Variants in UBE2E2 observed in about 807,000 individuals in gnomAD.
UBE2E2 encodes ubiquitin conjugating enzyme E2 E2.
A neutral mutation model predicts 24.7 loss-of-function variants in UBE2E2; 6 were observed. The ratio of observed to expected loss-of-function variants is 0.24; its 90% CI spans 0.13 to 0.48. The LOEUF (loss-of-function observed/expected upper bound fraction) is 0.48. Among genes scored for constraint, UBE2E2 ranks in the 20% least tolerant of loss-of-function variants. The probability of loss-of-function intolerance (pLI) is 0.99; values close to 1 mark genes in which losing one functional copy is unlikely to be tolerated. For missense variants in UBE2E2, 169 were observed against 245.0 expected, an observed-to-expected ratio of 0.69 and a Z score of 2.07; for synonymous variants, 104 against 83.6, an observed-to-expected ratio of 1.24 and a Z score of -1.33.
At chr3:23,229,183 C>T (rs927664681) in intron 3 of UBE2E2, among the ~76,000 whole-genome samples, 4 of 152,160 alleles carry the variant, frequency 2.6e-5, no homozygotes, top group African/African-American at 4.8e-5. Flanking sequence ...GAGCTAACAG[C>T]TATTGAATGT....
At chr3:23,463,428 T>A (rs893926185) in intron 3 of UBE2E2, among the ~76,000 whole-genome samples, 1 of 152,100 alleles carries the variant, frequency 6.6e-6, no homozygotes, top group South Asian at 2.1e-4. Flanking sequence ...TGCTTTACTA[T>A]AAGCAATGAG....
chr3:23,315,666 T>C (rs1694553392), intron 3 of UBE2E2, among the ~76,000 whole-genome samples: 2 of 152,202 alleles, frequency 1.3e-5, no homozygotes, highest in South Asian at 4.1e-4. Flanking sequence ...TTAGTGCTTG[T>C]GGATGCTCAT....
intron 3 of UBE2E2, among the ~76,000 whole-genome samples, chr3:23,491,131 G>T (rs1699485895): frequency 6.6e-6 from 1 of 152,124 alleles, no homozygotes; most frequent in South Asian, 2.1e-4. Flanking sequence ...AACTTCCTAA[G>T]ATGTTTTGGT....
intron 5 of UBE2E2, among the ~76,000 whole-genome samples, chr3:23,544,666 A>AT (rs1257378110): frequency 3.3e-5 from 5 of 152,192 alleles, no homozygotes; most frequent in African/African-American, 4.8e-5. Context: ...GTAGATCTGA[A>AT]GGGGTGGGTT....
intron 3 of UBE2E2, among the ~76,000 whole-genome samples, chr3:23,347,465 A>C (rs1275986299): frequency 1.3e-5 from 2 of 151,960 alleles, no homozygotes; most frequent in Non-Finnish European, 2.9e-5. Context: ...AGAAAACCAA[A>C]CACCACATGT....
intron 3 of UBE2E2, among the ~76,000 whole-genome samples, chr3:23,357,395 ATG>A (rs550484561): frequency 1.3e-5 from 2 of 150,848 alleles, no homozygotes; most frequent in African/African-American, 2.4e-5. Flanking sequence ...GCCTGGAGAT[ATG>A]TGTGTGTGTG....
chr3:23,534,890 G>GC (rs1288378528), intron 5 of UBE2E2, among the ~76,000 whole-genome samples: 10 of 152,180 alleles, frequency 6.6e-5, no homozygotes, highest in East Asian at 3.9e-4. Context: ...TCAAAAATAG[G>GC]CCTTGTATAA....
chr3:23,369,004 A>C (rs1696332306), intron 3 of UBE2E2, among the ~76,000 whole-genome samples: 1 of 152,190 alleles, frequency 6.6e-6, no homozygotes, highest in Non-Finnish European at 1.5e-5. Context: ...ATGAATTGAA[A>C]TGAACGAAAT....
rs1310990115 is a variant in UBE2E2, at chr3:23,407,649, G to A, written c.228-91959G>A. Among the ~76,000 whole-genome samples the A allele has an allele frequency of 3.5e-4, 9 of 26,072 alleles. No homozygotes were observed. The highest frequency in any genetic ancestry group is 1.6e-3 in the Admixed American group (8 of 4,916). 17.1% of individuals were successfully genotyped at this position (26,072 alleles called of 152,430 possible). ...TGTGTTTGTGTGTGCATGCGTGCAT[G>A]TGTGTGTGTGTGTGTGTGTGTGTGT... On this transcript the variant is annotated intron_variant, in intron 3 of 5. Coordinates refer to ENST00000396703, the MANE Select transcript of UBE2E2 (RefSeq NM_152653.4). This position sits in a 1 kb window ranked among gnomAD's most constrained non-coding sequence, Gnocchi z 4.0.
rs146626283 is a variant in UBE2E2, at chr3:23,239,190, A to G, written c.227+21878A>G. Among the ~76,000 whole-genome samples the G allele has an allele frequency of 1.3e-3, 195 of 152,226 alleles. 1 individual carries two copies. The highest frequency in any genetic ancestry group is 4.3e-3 in the African/African-American group (178 of 41,532). On this transcript the variant is annotated intron_variant, in intron 3 of 5. Coordinates refer to ENST00000396703, the MANE Select transcript of UBE2E2 (RefSeq NM_152653.4). ...TCAGTTATGATACCGTAATATAGTG[A>G]TCAATTATGGAACTACTAAGTTATC...
At chr3:23,411,194 T>TG (rs1459391221) in intron 3 of UBE2E2, among the ~76,000 whole-genome samples, 1 of 152,184 alleles carries the variant, frequency 6.6e-6, no homozygotes, top group Admixed American at 6.5e-5. Flanking sequence ...GTTGAGGCTG[T>TG]GGGTTGAGCC....
chr3:23,327,587 G>A (rs1363708005), intron 3 of UBE2E2, among the ~76,000 whole-genome samples: 1 of 152,130 alleles, frequency 6.6e-6, no homozygotes, highest in African/African-American at 2.4e-5. Flanking sequence ...GTTCTTATAG[G>A]CAGGTTTGTT....
At chr3:23,462,985 T>G (rs745373970) in intron 3 of UBE2E2, among the ~76,000 whole-genome samples, 2 of 152,182 alleles carry the variant, frequency 1.3e-5, no homozygotes, top group Non-Finnish European at 2.9e-5. Flanking sequence ...TAGTAGACAC[T>G]GTAGAAATGT....
chr3:23,362,290 G>C (rs1390657852), intron 3 of UBE2E2, among the ~76,000 whole-genome samples: 1 of 152,182 alleles, frequency 6.6e-6, no homozygotes, highest in East Asian at 1.9e-4. Flanking sequence ...AAGAATGAGT[G>C]AGTGTGAGCT....
At chr3:23,421,766 A>G (rs554863737) in intron 3 of UBE2E2, among the ~76,000 whole-genome samples, 70 of 152,368 alleles carry the variant, frequency 4.6e-4, no homozygotes, top group Non-Finnish European at 8.4e-4. Flanking sequence ...CATGTTCTCA[A>G]TTCTAAGTGG....
intron 3 of UBE2E2, among the ~76,000 whole-genome samples, chr3:23,291,971 G>A (rs2125249010): frequency 6.8e-6 from 1 of 146,308 alleles, no homozygotes; most frequent in South Asian, 2.2e-4. Context: ...CCATTCTCCT[G>A]CCTCAGCCTC....
intron 5 of UBE2E2, among the ~76,000 whole-genome samples, chr3:23,566,746 C>T (rs183596788): frequency 2.6e-5 from 4 of 152,122 alleles, no homozygotes; most frequent in Non-Finnish European, 5.9e-5. Context: ...GATCCACCCC[C>T]CTGACCCCAA....
At chr3:23,311,803 C>A (rs1694401710) in intron 3 of UBE2E2, among the ~76,000 whole-genome samples, 2 of 152,096 alleles carry the variant, frequency 1.3e-5, no homozygotes, top group South Asian at 4.1e-4. Flanking sequence ...GATATTTTGA[C>A]ACAGGCTTAC....
intron 4 of UBE2E2, among the ~76,000 whole-genome samples, chr3:23,511,746 A>G (rs1458344448): frequency 6.6e-6 from 1 of 152,206 alleles, no homozygotes; most frequent in Non-Finnish European, 1.5e-5. Context: ...TTGGAAAGTT[A>G]TTTTCCATAT....
Sources: gnomAD v4.1 joint callset for allele counts (sites outside exome capture counted in the v4.1 genomes callset) on GRCh38, gnomAD v4.1.1 for gene constraint, Gnocchi (gnomAD v3.1) non-coding constraint, MANE v1.5 for transcripts, NCBI Gene and HGNC (gene_info 2026-07-23, HGNC 2026-07-21) for gene names.